Variants in SYNE3 observed in about 807,000 individuals in gnomAD.
The protein encoded by SYNE3 is spectrin repeat containing nuclear envelope family member 3, also known as nesprin-3.
In SYNE3, 100 loss-of-function variants were observed where a neutral mutation model predicts 111.2. The observed-to-expected ratio is 0.90, with a 90% CI of 0.77 to 1.06. The LOEUF (loss-of-function observed/expected upper bound fraction) is 1.06, where lower values mean the gene tolerates loss of function less well. SYNE3 is among the 50% of genes least tolerant of loss of function. The pLI, the probability that SYNE3 is intolerant of heterozygous loss-of-function variation, is 0.00. For synonymous variants in SYNE3, 547 were observed against 533.9 expected, an observed-to-expected ratio of 1.02 and a Z score of -0.34; for missense variants, 1,160 against 1,240.3, an observed-to-expected ratio of 0.94 and a Z score of 0.97.
intron 15 of SYNE3, among the ~76,000 whole-genome samples, chr14:95,435,166 T>A (rs1339179626): frequency 2.0e-5 from 3 of 152,038 alleles, no homozygotes; most frequent in Non-Finnish European, 2.9e-5. Flanking sequence ...AAAAGATAGG[T>A]TTAAAAATTT....
At chr14:95,473,805 G>A (rs1888698486) in intron 2 of SYNE3, among the ~76,000 whole-genome samples, 2 of 140,552 alleles carry the variant, frequency 1.4e-5, no homozygotes, top group South Asian at 4.6e-4. Flanking sequence ...TATGACAGTG[G>A]CTGGAACTAA....
At chr14:95,425,724 C>T (rs1885393649) in intron 17 of SYNE3, among the ~76,000 whole-genome samples, 1 of 152,202 alleles carries the variant, frequency 6.6e-6, no homozygotes, top group Non-Finnish European at 1.5e-5. Flanking sequence ...ATACTTTGTA[C>T]ATTCTGCTCA....
chr14:95,473,260 C>T (rs1184197280), intron 2 of SYNE3, among the ~76,000 whole-genome samples: 2 of 152,138 alleles, frequency 1.3e-5, no homozygotes, highest in Admixed American at 1.3e-4. Flanking sequence ...GCTTCCAGGG[C>T]CCATCCACCC....
At chr14:95,446,959 G>A (rs1344421066) in intron 8 of SYNE3, among the ~76,000 whole-genome samples, 1 of 152,154 alleles carries the variant, frequency 6.6e-6, no homozygotes, top group Non-Finnish European at 1.5e-5. Context: ...AGAGTCTGGG[G>A]TTCTGGAAGC....
rs1002429270 is a variant in SYNE3 at position 95,411,143 on chromosome 14, C to G, written c.*6683G>C. The stretch of plus-strand genomic sequence containing the variant: ...CTCCAACTCTGACAGCCTGAAGAAT[C>G]CAGGTATCCTCCTTCAACAGAGAAC... On this transcript the variant is annotated 3_prime_UTR_variant, in exon 18 of 18. Transcript: ENST00000682763. 4.6e-5 allele frequency: 7 copies of G among 152,260 alleles called. No homozygotes were observed. Among genetic ancestry groups the G allele is most frequent in the Middle Eastern group, 6.8e-3 (2 of 294 alleles). 9.4% of individuals were successfully genotyped at this position (152,260 alleles called of 1,614,324 possible).
chr14:95,470,741 C>T lies in SYNE3; in HGVS notation c.145-2774G>A, dbSNP rs961251679. On this transcript the variant is annotated intron_variant, in intron 2 of 17. Transcript: ENST00000682763. The surrounding 1 kb of genome is among the most constrained non-coding windows in gnomAD (Gnocchi z 4.2). ...TTGGGAGGCCGAGGCGGACAGATCACGAGGTCAGGAGTTTGAGGCCATCCT... is the reference window on the plus strand; with the variant it reads ...TTGGGAGGCCGAGGCGGACAGATCATGAGGTCAGGAGTTTGAGGCCATCCT... Among the ~76,000 whole-genome samples, 15 of 152,164 alleles carry T rather than the reference C, an allele frequency of 9.9e-5. No homozygotes were observed. Among genetic ancestry groups the T allele is most frequent in the African/African-American group, 2.9e-4 (12 of 41,434 alleles).
intron 17 of SYNE3, among the ~76,000 whole-genome samples, chr14:95,427,138 C>A (rs1008843704): frequency 2.6e-5 from 4 of 152,020 alleles, no homozygotes; most frequent in South Asian, 2.1e-4. Context: ...TGAGAAGTGA[C>A]CAGAAGACAG....
At chr14:95,487,522 T>A (rs140922169) in intron 1 of SYNE3, among the ~76,000 whole-genome samples, 1 of 152,240 alleles carries the variant, frequency 6.6e-6, no homozygotes, top group Non-Finnish European at 1.5e-5. Flanking sequence ...GGCTGGAGAT[T>A]GGAGCTGCCA....
At chr14:95,488,723 G>GAGGAGAGGAGAGGAGAGGAC in intron 1 of SYNE3, among the ~76,000 whole-genome samples, 1 of 133,286 alleles carries the variant, frequency 7.5e-6, no homozygotes, top group African/African-American at 2.9e-5. Context: ...GAGGAGAGGA[G>GAGGAGAGGAGAGGAGAGGAC]AGGAGAGGAG....
In SYNE3 at chr14:95,436,842, C is replaced by G; in HGVS notation, c.2516G>C (p.Arg839Thr). The G allele has an allele frequency of 6.2e-7, 1 of 1,614,140 alleles. No individual in the cohort carries two copies. The highest frequency in any genetic ancestry group is 8.5e-7 in the Non-Finnish European group (1 of 1,180,038). The stretch of plus-strand genomic sequence containing the variant: ...GACCTGCAGCTTCGATTTTCTGGTC[C>G]TCAAGTCCTCAGCTGTAGAAGTTCT... ...AMRTSTAEDL[R>T]TRKSKLQELE... The change falls in exon 15 of 18, where the codon AGG becomes ACG. Residue 839 changes from arginine (R) to threonine (T), a missense_variant. Transcript: ENST00000682763.
chr14:95,475,597 C>CAGAT (rs1443335749), intron 2 of SYNE3, 81 bp downstream of exon 2: 2 of 1,313,802 alleles, frequency 1.5e-6, no homozygotes, highest in African/African-American at 3.0e-5. Context: ...TTGCCTTTCA[C>CAGAT]AGATAGGAAA....
intron 1 of SYNE3, among the ~76,000 whole-genome samples, chr14:95,509,990 A>G (rs573728151): frequency 6.6e-6 from 1 of 152,322 alleles, no homozygotes; most frequent in African/African-American, 2.4e-5. Flanking sequence ...TCTGCTGTGG[A>G]GACTCAGTTT....
At chr14:95,445,452 A>G (rs1339220073) in intron 9 of SYNE3, among the ~76,000 whole-genome samples, 2 of 152,276 alleles carry the variant, frequency 1.3e-5, no homozygotes, top group Admixed American at 1.3e-4. Context: ...TTAGATGCTC[A>G]GCAAACATTT....
rs751335846 is a variant in SYNE3, at chr14:95,439,037, C to T, written c.2372G>A (p.Arg791Gln). The T allele has an allele frequency of 7.5e-5, 121 of 1,614,126 alleles. 1 individual carries two copies. Among genetic ancestry groups the T allele is most frequent in the Middle Eastern group, 6.7e-4 (4 of 5,980 alleles). Residue 791 changes from arginine to glutamine, a missense_variant, in exon 14 of 18, where the codon CGA becomes CAA. Arg to Gln is a conservative substitution (Grantham distance 43). Transcript: ENST00000682763. ...NPMDPIPRHRRRANLLQEEEG... is the reference protein window; with the variant it reads ...NPMDPIPRHRQRANLLQEEEG... ...AGCCCTGCTAGACAGACTCACGCGT[C>T]GACGATGCCTGGGAATAGGATCCAT...
intron 3 of SYNE3, 76 bp downstream of exon 3, chr14:95,467,719 C>A: frequency 3.2e-6 from 5 of 1,556,712 alleles, no homozygotes; most frequent in South Asian, 1.2e-5. Flanking sequence ...GTCTCTTGGG[C>A]AGAGGGCCCA....
At chr14:95,495,737 G>A (rs1890063834) in intron 1 of SYNE3, among the ~76,000 whole-genome samples, 1 of 152,248 alleles carries the variant, frequency 6.6e-6, no homozygotes, top group Non-Finnish European at 1.5e-5. Flanking sequence ...GAATCAGGAA[G>A]GCAAGGGAGG....
At chr14:95,476,806 G>C (rs1200165031) in intron 1 of SYNE3, among the ~76,000 whole-genome samples, 1 of 152,228 alleles carries the variant, frequency 6.6e-6, no homozygotes, top group African/African-American at 2.4e-5. Flanking sequence ...AATGAGCCCA[G>C]AATGGGTATA....
rs111706080 is a variant in SYNE3, at chr14:95,447,993, T to C, written c.1450-1902A>G. On this transcript the variant is annotated intron_variant, in intron 8 of 17. Coordinates refer to ENST00000682763, the MANE Select transcript of SYNE3 (RefSeq NM_152592.6). Reference sequence around the variant, plus strand: ...GCCTTTAATTGTGGATACACCGAATTATGTCACACTCCAGAACAGAATATG... The same window carrying C: ...GCCTTTAATTGTGGATACACCGAATCATGTCACACTCCAGAACAGAATATG... Among the ~76,000 whole-genome samples the C allele has an allele frequency of 9.7e-3, 1,473 of 152,370 alleles. 21 individuals carry two copies. Among genetic ancestry groups the C allele is most frequent in the African/African-American group, 0.032 (1,346 of 41,582 alleles).
Position 95,467,933 on chromosome 14 carries a change from C to A in SYNE3, c.179G>T (p.Arg60Met). Residue 60 changes from arginine (R) to methionine (M), a missense_variant, in exon 3 of 18, where the codon AGG becomes ATG. Arg to Met is a moderately conservative substitution (Grantham distance 91, BLOSUM62 -1). Transcript: ENST00000682763. ...ICQLEPEGRV[R>M]VDLVLRMAEA... The stretch of plus-strand genomic sequence containing the variant: ...AGCCATCCGTAGCACGAGGTCCACC[C>A]TCACACGCCCCTCGGGCTCCAGCTG... 1 of 1,613,602 alleles carries A rather than the reference C, an allele frequency of 6.2e-7. No individual in the cohort carries two copies. Among genetic ancestry groups the A allele is most frequent in the Non-Finnish European group, 8.5e-7 (1 of 1,179,592 alleles).
Sources: allele counts gnomAD v4.1 joint callset (sites outside exome capture counted in the v4.1 genomes callset), GRCh38; gene constraint gnomAD v4.1.1; non-coding constraint Gnocchi (gnomAD v3.1); transcripts MANE v1.5; gene names NCBI Gene and HGNC (gene_info 2026-07-23, HGNC 2026-07-21).